GUCY1B1: variants seen among roughly 807,000 people sequenced by gnomAD.
GUCY1B1 encodes guanylate cyclase soluble subunit beta-1.
Under a neutral mutation model 71.0 loss-of-function variants are expected in GUCY1B1, and 43 were observed. That is an observed-to-expected ratio of 0.61 (90% CI 0.47 to 0.78). The LOEUF (loss-of-function observed/expected upper bound fraction) is 0.78. Ranked by LOEUF, GUCY1B1 falls within the 30% of genes least tolerant of loss-of-function variation. GUCY1B1 has a pLI of 0.00. For synonymous variants in GUCY1B1, 266 were observed against 259.7 expected, an observed-to-expected ratio of 1.02 and a Z score of -0.23; for missense variants, 535 against 754.1, an observed-to-expected ratio of 0.71 and a Z score of 3.40.
intron 3 of GUCY1B1, among the ~76,000 whole-genome samples, chr4:155,776,614 G>A (rs184583950): frequency 0.013 from 2,020 of 152,090 alleles, 24 homozygotes; most frequent in Middle Eastern, 0.031. Context: ...AGGTTGCAGC[G>A]AGCCGAGATC....
At chr4:155,786,422 C>G (rs1433470280) in intron 4 of GUCY1B1, among the ~76,000 whole-genome samples, 2 of 146,008 alleles carry the variant, frequency 1.4e-5, no homozygotes, top group African/African-American at 2.5e-5. Flanking sequence ...TACAGGCATG[C>G]CCCACCACGC....
chr4:155,792,886 A>G (rs1432748324), intron 5 of GUCY1B1, among the ~76,000 whole-genome samples: 1 of 152,190 alleles, frequency 6.6e-6, no homozygotes, highest in Non-Finnish European at 1.5e-5. Flanking sequence ...TATAGATATT[A>G]GCTCACAATT....
chr4:155,779,633 T>C (rs2111055714), intron 4 of GUCY1B1, among the ~76,000 whole-genome samples: 1 of 152,334 alleles, frequency 6.6e-6, no homozygotes, highest in African/African-American at 2.4e-5. Flanking sequence ...TTTGAAATTA[T>C]ACATTTTAAG....
At chr4:155,762,738 A>G (rs923065351) in intron 2 of GUCY1B1, among the ~76,000 whole-genome samples, 3 of 152,218 alleles carry the variant, frequency 2.0e-5, no homozygotes, top group Non-Finnish European at 4.4e-5. Flanking sequence ...AGGCCAAGGT[A>G]AAACTGAGGA....
At chr4:155,777,491 T>C in intron 3 of GUCY1B1, 33 bp from the exon 4 acceptor site, 1 of 1,059,238 alleles carries the variant, frequency 9.4e-7, no homozygotes, top group Non-Finnish European at 1.5e-6. Context: ...ACCTATTATA[T>C]GCTTTTTTTC....
At chr4:155,794,914 T>C (rs1579244569) in intron 6 of GUCY1B1, among the ~76,000 whole-genome samples, 1 of 152,306 alleles carries the variant, frequency 6.6e-6, no homozygotes, top group African/African-American at 2.4e-5. Flanking sequence ...TCAATCAGTG[T>C]TACCTATTGT....
At position 155,795,386 on chromosome 4, in the gene GUCY1B1, C is replaced by A; in HGVS notation, c.772C>A (p.Arg258Ser). Residue 258 changes from arginine (R) to serine (S), a missense_variant, in exon 7 of 14, where the codon CGT (arginine) becomes AGT (serine). Transcript: ENST00000264424. ...CSLLSVFSLV[R>S]PHIDISFHGI... ...CCTTCTGTCTGTCTTCTCGCTGGTTCGTCCTCATATTGATATTAGTTTCCA... is the reference window on the plus strand; with the variant it reads ...CCTTCTGTCTGTCTTCTCGCTGGTTAGTCCTCATATTGATATTAGTTTCCA... The A allele has an allele frequency of 6.2e-7, 1 of 1,610,824 alleles. No homozygotes were observed. Among genetic ancestry groups the A allele is most frequent in the Non-Finnish European group, 8.5e-7 (1 of 1,177,510 alleles).
At position 155,795,894 on chromosome 4, in the gene GUCY1B1, A is replaced by G. The variant is rs375070846; in HGVS notation, c.843+437A>G. Among the ~76,000 whole-genome samples, 5 of 152,286 alleles carry G rather than the reference A, an allele frequency of 3.3e-5. 1 individual carries two copies. The highest frequency in any genetic ancestry group is 1.9e-4 in the East Asian group (1 of 5,186). On this transcript the variant is annotated intron_variant, in intron 7 of 13. Transcript: ENST00000264424. Reference sequence around the variant, plus strand: ...GTGATGAAATATTCACACAGTTGATAATTTAGATAGTGCTGGGATCTCACG... The same window carrying G: ...GTGATGAAATATTCACACAGTTGATGATTTAGATAGTGCTGGGATCTCACG...
At chr4:155,785,419 G>A in intron 4 of GUCY1B1, 1 of 616,870 alleles carries the variant, frequency 1.6e-6, no homozygotes, top group Non-Finnish European at 2.8e-6. Flanking sequence ...TTTACTTTCT[G>A]TAAGTGCTTC....
intron 12 of GUCY1B1, 78 bp downstream of exon 12, chr4:155,804,825 T>C (rs2111183958): frequency 7.5e-7 from 1 of 1,327,292 alleles, no homozygotes; most frequent in East Asian, 2.5e-5. Flanking sequence ...TCTGAGAGAT[T>C]TTGTTGCTTT....
At chr4:155,767,159 C>T (rs1308235211) in intron 2 of GUCY1B1, among the ~76,000 whole-genome samples, 1 of 152,142 alleles carries the variant, frequency 6.6e-6, no homozygotes, top group East Asian at 1.9e-4. Flanking sequence ...CTATAACCTT[C>T]TTCTTTCCAA....
chr4:155,799,696 T>C (rs1292004874), intron 8 of GUCY1B1, among the ~76,000 whole-genome samples, 181 bp from the exon 9 acceptor site: 1 of 152,212 alleles, frequency 6.6e-6, no homozygotes, highest in Non-Finnish European at 1.5e-5. Context: ...TTTTGGTAGA[T>C]GCTTAAATAT....
intron 9 of GUCY1B1, among the ~76,000 whole-genome samples, chr4:155,801,144 G>T (rs1303672790): frequency 6.6e-6 from 1 of 152,150 alleles, no homozygotes; most frequent in Non-Finnish European, 1.5e-5. Flanking sequence ...CCTAGACCAG[G>T]AGTCCAAAAC....
rs1469459081 is a variant in GUCY1B1, at chr4:155,799,871, T to C, written c.978-6T>C. On this transcript the variant is annotated splice_region_variant and splice_polypyrimidine_tract_variant and intron_variant, in intron 8 of 13. Transcript: ENST00000264424. ...ACTGATCTTGCCTCATTTCTCCATATGACAGTGTCATGAACCTGGACGATT... is the reference window on the plus strand; with the variant it reads ...ACTGATCTTGCCTCATTTCTCCATACGACAGTGTCATGAACCTGGACGATT... 17 of 1,586,894 alleles carry C rather than the reference T, an allele frequency of 1.1e-5. No homozygotes were observed. The highest frequency in any genetic ancestry group is 2.2e-5 in the East Asian group (1 of 44,698).
intron 2 of GUCY1B1, among the ~76,000 whole-genome samples, chr4:155,769,186 G>A (rs1456595236): frequency 6.6e-6 from 1 of 152,112 alleles, no homozygotes; most frequent in African/African-American, 2.4e-5. Flanking sequence ...ATGACCGGAG[G>A]TAACTGCTGC....
At chr4:155,795,267 TC>T in intron 6 of GUCY1B1, 73 bp from the exon 7 acceptor site, 1 of 700,470 alleles carries the variant, frequency 1.4e-6, no homozygotes. Flanking sequence ...GCTGATTTAA[TC>T]AAGCGATTAA....
intron 4 of GUCY1B1, among the ~76,000 whole-genome samples, chr4:155,781,177 A>G (rs1738391939): frequency 6.6e-6 from 1 of 152,222 alleles, no homozygotes; most frequent in Non-Finnish European, 1.5e-5. Context: ...TAGGCAATTA[A>G]TGAAACAGTC....
At position 155,795,309 on chromosome 4, in the gene GUCY1B1, G is replaced by A. The variant is rs373893581; in HGVS notation, c.727-32G>A. On this transcript the variant is annotated intron_variant, in intron 6 of 13. Transcript: ENST00000264424. ...AAGTATAAAAACTATTTTAACTGAT[G>A]TGATACTCTTTGCTCTCTATCTATA... is the stretch of plus-strand genomic sequence containing the variant. 1.9e-5 allele frequency: 20 copies of A among 1,056,310 alleles called. No homozygotes were observed. The African/African-American group carries it at 2.2e-4, about 12-fold the overall frequency. 65.4% of individuals were successfully genotyped at this position (1,056,310 alleles called of 1,614,324 possible). A position where few individuals can be genotyped will look rare whatever the true frequency, so the allele number is the denominator to read the frequency against.
rs3796573 is a variant in GUCY1B1 at position 155,795,735 on chromosome 4, T to G, written c.843+278T>G. Reference sequence around the variant, plus strand: ...AAAAACCAACATCTTTTACTCCCTGTACAGCTACAGTGCCTTATTTTAGAA... The same window carrying G: ...AAAAACCAACATCTTTTACTCCCTGGACAGCTACAGTGCCTTATTTTAGAA... On this transcript the variant is annotated intron_variant, in intron 7 of 13. Coordinates refer to ENST00000264424, the MANE Select transcript of GUCY1B1 (RefSeq NM_000857.5). Among the ~76,000 whole-genome samples, 11 of 152,292 alleles carry G rather than the reference T, an allele frequency of 7.2e-5. 1 individual carries two copies. The East Asian group carries it at 2.1e-3, about 29-fold the overall frequency.
Sources: allele counts gnomAD v4.1 joint callset (sites outside exome capture counted in the v4.1 genomes callset), GRCh38; gene constraint gnomAD v4.1.1; transcripts MANE v1.5; gene names NCBI Gene and HGNC (gene_info 2026-07-23, HGNC 2026-07-21).